SYN2: variants seen among roughly 807,000 people sequenced by gnomAD.
SYN2 encodes synapsin II.
A neutral mutation model predicts 50.9 loss-of-function variants in SYN2; 19 were observed. The ratio of observed to expected loss-of-function variants is 0.37; its 90% CI spans 0.26 to 0.55. The LOEUF (loss-of-function observed/expected upper bound fraction) is 0.55. Ranked by LOEUF, SYN2 falls within the 20% of genes least tolerant of loss-of-function variation. SYN2 has a pLI of 0.81. For synonymous variants in SYN2, 255 were observed against 224.9 expected, an observed-to-expected ratio of 1.13 and a Z score of -1.20; for missense variants, 587 against 576.4, an observed-to-expected ratio of 1.02 and a Z score of -0.19.
intron 1 of SYN2, among the ~76,000 whole-genome samples, chr3:12,120,652 G>A (rs1314091197): frequency 5.9e-5 from 9 of 152,098 alleles, no homozygotes; most frequent in Admixed American, 1.3e-4. Context: ...GTTTATAACC[G>A]CAATTTCCTC....
chr3:12,053,294 G>A (rs973327820), intron 1 of SYN2, among the ~76,000 whole-genome samples: 1 of 152,066 alleles, frequency 6.6e-6, no homozygotes, highest in African/African-American at 2.4e-5. Flanking sequence ...GGTGGTGGGT[G>A]CCTGTAGTCC....
intron 1 of SYN2, among the ~76,000 whole-genome samples, chr3:12,033,554 T>G (rs564527918): frequency 7.9e-5 from 12 of 152,296 alleles, no homozygotes; most frequent in African/African-American, 2.9e-4. Context: ...ATTCACCCCT[T>G]TAAAATATAC....
At chr3:12,044,160 T>TTCACTCTC (rs1553610002) in intron 1 of SYN2, among the ~76,000 whole-genome samples, 1 of 135,564 alleles carries the variant, frequency 7.4e-6, no homozygotes, top group Non-Finnish European at 1.5e-5. Flanking sequence ...GAAGGCAAAG[T>TTCACTCTC]TCTCTCTCTC....
At chr3:12,024,153 T>C (rs1694204908) in intron 1 of SYN2, among the ~76,000 whole-genome samples, 1 of 121,232 alleles carries the variant, frequency 8.2e-6, no homozygotes, top group Non-Finnish European at 1.7e-5. Flanking sequence ...TACTTCCTTT[T>C]TTTTTTTTTT....
intron 11 of SYN2, chr3:12,185,059 A>C: frequency 1.0e-6 from 1 of 985,864 alleles, no homozygotes; most frequent in Non-Finnish European, 1.2e-6. Flanking sequence ...TTCTGAGGCC[A>C]CAGAGAAATG....
chr3:12,094,737 T>C (rs1477890329), intron 1 of SYN2, among the ~76,000 whole-genome samples: 1 of 152,090 alleles, frequency 6.6e-6, no homozygotes, highest in Non-Finnish European at 1.5e-5. Flanking sequence ...GACAATAGAA[T>C]GGACAGGATT....
At chr3:12,017,291 G>A (rs1028942857) in intron 1 of SYN2, among the ~76,000 whole-genome samples, 9 of 152,270 alleles carry the variant, frequency 5.9e-5, no homozygotes, top group East Asian at 1.9e-4. Context: ...TGACAGGCAG[G>A]CACTGTTCTA....
chr3:12,132,044 CT>C (rs34414958), intron 1 of SYN2, among the ~76,000 whole-genome samples: 69 of 102,948 alleles, frequency 6.7e-4, no homozygotes, highest in South Asian at 6.4e-3. Flanking sequence ...CTTTTTTTTT[CT>C]TTTTTTTTTT....
rs192692764 is a variant in SYN2 at position 12,134,637 on chromosome 3, G to A, written c.378-6014G>A. 1.1e-3 allele frequency among the ~76,000 whole-genome samples: 168 copies of A among 152,356 alleles called. 1 individual carries two copies. The highest frequency in any genetic ancestry group is 3.9e-3 in the African/African-American group (163 of 41,594). On this transcript the variant is annotated intron_variant, in intron 1 of 12. Transcript: ENST00000621198. ...ATGCTGTGCTTGTATGTCTACTGCA[G>A]TTGATACCCTGAATTATAATCTTTT...
At chr3:12,112,265 G>C (rs60834) in intron 1 of SYN2, among the ~76,000 whole-genome samples, 97,038 of 151,984 alleles carry the variant, frequency 0.64, 33,602 homozygotes, top group South Asian at 0.78. Context: ...CCACTTCTTT[G>C]ATCAGCTCTA....
At chr3:12,180,293 G>A (rs900034471) in intron 10 of SYN2, among the ~76,000 whole-genome samples, 13 of 151,330 alleles carry the variant, frequency 8.6e-5, no homozygotes, top group South Asian at 2.1e-4. Context: ...TTCCCCTTCC[G>A]TTTTGTGTAC....
chr3:12,068,166 TA>T (rs1254119183), intron 1 of SYN2, among the ~76,000 whole-genome samples: 1 of 152,246 alleles, frequency 6.6e-6, no homozygotes, highest in Non-Finnish European at 1.5e-5. Flanking sequence ...TAGAAACATT[TA>T]AAGCTCAACC....
intron 1 of SYN2, among the ~76,000 whole-genome samples, chr3:12,054,889 C>G (rs926284564): frequency 1.3e-5 from 2 of 152,008 alleles, no homozygotes; most frequent in African/African-American, 4.8e-5. Flanking sequence ...ATATAGAATT[C>G]TGGGTCAAAA....
chr3:12,153,874 G>T (rs1031612598), intron 5 of SYN2, among the ~76,000 whole-genome samples: 5 of 151,940 alleles, frequency 3.3e-5, no homozygotes, highest in South Asian at 2.1e-4. Context: ...CTTCCCCAAG[G>T]TTCCCCATAT....
chr3:12,045,801 C>T (rs544768564), intron 1 of SYN2, among the ~76,000 whole-genome samples: 38 of 152,128 alleles, frequency 2.5e-4, no homozygotes, highest in African/African-American at 8.9e-4. Context: ...CTCCCAGAAG[C>T]ACAGGAGAGT....
intron 11 of SYN2, chr3:12,184,020 G>A (rs1698285787): frequency 1.0e-6 from 1 of 986,004 alleles, no homozygotes; most frequent in Non-Finnish European, 1.2e-6. Context: ...GAATTTGAAG[G>A]CATCCACCTT....
chr3:12,099,882 G>C (rs561573570), intron 1 of SYN2, among the ~76,000 whole-genome samples: 3 of 149,650 alleles, frequency 2.0e-5, no homozygotes, highest in African/African-American at 7.3e-5. Flanking sequence ...GGAGAATGGC[G>C]TGAACCCGGG....
intron 1 of SYN2, among the ~76,000 whole-genome samples, chr3:12,121,999 C>T (rs1033502500): frequency 2.0e-5 from 3 of 152,102 alleles, no homozygotes; most frequent in Non-Finnish European, 4.4e-5. Flanking sequence ...GGCCTTGAAC[C>T]GATTAGCCAA....
chr3:12,148,300 A>G (rs1308008599), intron 4 of SYN2, among the ~76,000 whole-genome samples: 1 of 152,198 alleles, frequency 6.6e-6, no homozygotes, highest in Non-Finnish European at 1.5e-5. Context: ...TGAGGAGAAC[A>G]GCAGGGCTCC....
Sources: allele counts gnomAD v4.1 joint callset (sites outside exome capture counted in the v4.1 genomes callset), GRCh38; gene constraint gnomAD v4.1.1; transcripts MANE v1.5; gene names NCBI Gene and HGNC (gene_info 2026-07-23, HGNC 2026-07-21).